The following RORA variants were observed in gnomAD, a reference collection of about 807,000 sequenced individuals.
RORA encodes the protein RAR related orphan receptor A, also known as nuclear receptor ROR-alpha.
RORA carries 7 observed loss-of-function variants against 69.5 expected under a neutral mutation model. The observed-to-expected ratio is 0.10, with a 90% CI of 0.06 to 0.19. The LOEUF (loss-of-function observed/expected upper bound fraction) is 0.19, where lower values mean the gene tolerates loss of function less well. Among genes scored for constraint, RORA ranks in the 10% least tolerant of loss-of-function variants. The probability of loss-of-function intolerance (pLI) is 1.00; values close to 1 mark genes in which losing one functional copy is unlikely to be tolerated. For missense variants in RORA, 457 were observed against 663.0 expected (o/e 0.69, Z 3.41); for synonymous variants, 261 against 240.8 (o/e 1.08, Z -0.78).
chr15:60,865,865 C>T (rs1048367638), intron 1 of RORA, among the ~76,000 whole-genome samples: 1 of 152,096 alleles, frequency 6.6e-6, no homozygotes, highest in African/African-American at 2.4e-5. Flanking sequence ...TAATGAAGAT[C>T]GTTGTGTCAG....
intron 1 of RORA, among the ~76,000 whole-genome samples, chr15:61,154,835 G>A (rs2079428718): frequency 1.3e-5 from 2 of 152,224 alleles, no homozygotes; most frequent in Admixed American, 6.5e-5. Flanking sequence ...TGACACCGTC[G>A]GCTGGCTCAA....
chr15:60,781,063 TG>T (rs2072245833), intron 1 of RORA, among the ~76,000 whole-genome samples: 1 of 152,196 alleles, frequency 6.6e-6, no homozygotes, highest in Non-Finnish European at 1.5e-5. Flanking sequence ...TAACAAAACC[TG>T]TAAAAAGGAG....
intron 2 of RORA, among the ~76,000 whole-genome samples, chr15:60,662,649 C>CG (rs1228038067): frequency 2.3e-4 from 1 of 4,330 alleles, no homozygotes; most frequent in East Asian, 0.015. Flanking sequence ...CAGAAAAAAA[C>CG]ATTTTTTTTT....
chr15:60,713,969 G>T (rs944665463), intron 1 of RORA, among the ~76,000 whole-genome samples: 1 of 152,112 alleles, frequency 6.6e-6, no homozygotes, highest in Non-Finnish European at 1.5e-5. Context: ...TCAAATGAGT[G>T]AACTGTTCTC....
At chr15:60,815,546 T>C (rs562951888) in intron 1 of RORA, among the ~76,000 whole-genome samples, 1 of 152,150 alleles carries the variant, frequency 6.6e-6, no homozygotes, top group South Asian at 2.1e-4. Flanking sequence ...GGGCCCAACT[T>C]ACAAACGTGG....
chr15:60,639,111 C>T (rs1423129365), intron 2 of RORA, among the ~76,000 whole-genome samples: 1 of 151,932 alleles, frequency 6.6e-6, no homozygotes, highest in Non-Finnish European at 1.5e-5. Context: ...ATGATTTTGT[C>T]ATAGTAAGCA....
At chr15:60,931,447 C>T (rs1892369437) in intron 1 of RORA, among the ~76,000 whole-genome samples, 3 of 152,272 alleles carry the variant, frequency 2.0e-5, no homozygotes, top group Admixed American at 1.3e-4. Context: ...AGAGGCCTGG[C>T]TTCAGCTTCC....
chr15:60,592,734 C>G (rs543835840), intron 2 of RORA: 143 of 1,093,624 alleles, frequency 1.3e-4, no homozygotes, highest in Non-Finnish European at 1.6e-4. Context: ...TGCTGGCCCA[C>G]CCCGGCCGGG....
intron 1 of RORA, among the ~76,000 whole-genome samples, chr15:60,801,257 T>C (rs745578093): frequency 1.1e-4 from 17 of 152,288 alleles, no homozygotes; most frequent in Admixed American, 3.9e-4. Context: ...ATTCTCTAAG[T>C]AGTGGCCTCC....
chr15:60,721,103 G>A (rs543510670), intron 1 of RORA, among the ~76,000 whole-genome samples: 13 of 152,234 alleles, frequency 8.5e-5, no homozygotes, highest in African/African-American at 2.6e-4. Flanking sequence ...CTCCTTTCCT[G>A]GGGTAACGAT....
intron 1 of RORA, among the ~76,000 whole-genome samples, chr15:60,720,170 C>A (rs943297184): frequency 6.6e-6 from 1 of 152,136 alleles, no homozygotes; most frequent in Non-Finnish European, 1.5e-5. Flanking sequence ...GCCCTAGGTG[C>A]TTCTTCTGTG....
intron 1 of RORA, among the ~76,000 whole-genome samples, chr15:60,859,702 C>G (rs1257779089): frequency 1.5e-5 from 2 of 130,598 alleles, no homozygotes; most frequent in African/African-American, 2.9e-5. Flanking sequence ...CTTGTCTAGG[C>G]TGTAAATTTT....
At chr15:61,222,235 G>T (rs1227918541) in intron 1 of RORA, among the ~76,000 whole-genome samples, 12 of 152,256 alleles carry the variant, frequency 7.9e-5, no homozygotes, top group Non-Finnish European at 1.8e-4. Flanking sequence ...GACCACCAGG[G>T]CCCCAGTTCT....
intron 3 of RORA, among the ~76,000 whole-genome samples, chr15:60,521,505 G>C (rs1245900019): frequency 1.3e-5 from 2 of 152,104 alleles, no homozygotes; most frequent in African/African-American, 4.8e-5. Context: ...CTCCCAAAGT[G>C]CTCGGATTTA....
intron 2 of RORA, among the ~76,000 whole-genome samples, chr15:60,579,158 C>A (rs1418515231): frequency 6.7e-6 from 1 of 150,330 alleles, no homozygotes; most frequent in Non-Finnish European, 1.5e-5. Context: ...CTGCTTCCTG[C>A]TAAGGTGCCA....
rs903999207 is a variant in RORA, at chr15:61,083,125, G to C, written c.166+145928C>G. Among the ~76,000 whole-genome samples, 6 of 152,338 alleles carry C rather than the reference G, an allele frequency of 3.9e-5. 2 individuals are homozygous for C. On this transcript the variant is annotated intron_variant, in intron 1 of 10. Transcript: ENST00000335670. ...TGTGAAAGCTGTGCCTGGAGGACAA[G>C]GGCTGCGCCTGACTGTTCACTGCAG...
chr15:60,752,244 G>A (rs1484825262), intron 1 of RORA, among the ~76,000 whole-genome samples: 4 of 152,066 alleles, frequency 2.6e-5, no homozygotes, highest in Non-Finnish European at 4.4e-5. Flanking sequence ...GCCCATTGAC[G>A]CTCAGACACC....
At chr15:60,642,870 T>C (rs2069968243) in intron 2 of RORA, among the ~76,000 whole-genome samples, 1 of 152,032 alleles carries the variant, frequency 6.6e-6, no homozygotes, top group South Asian at 2.1e-4. Context: ...AGAGAGACAC[T>C]GTCTTTAAAA....
At chr15:60,553,268 G>GT (rs2067272634) in intron 2 of RORA, among the ~76,000 whole-genome samples, 2 of 152,174 alleles carry the variant, frequency 1.3e-5, no homozygotes, top group African/African-American at 2.4e-5. Flanking sequence ...AAGATGGCAA[G>GT]TGAGTTTCAG....
Sources: allele counts gnomAD v4.1 joint callset (sites outside exome capture counted in the v4.1 genomes callset), GRCh38; gene constraint gnomAD v4.1.1; transcripts MANE v1.5; gene names NCBI Gene and HGNC (gene_info 2026-07-23, HGNC 2026-07-21).